WWP1: variants seen among roughly 807,000 people sequenced by gnomAD.
WWP1 encodes the protein NEDD4-like E3 ubiquitin-protein ligase WWP1.
A neutral mutation model predicts 130.6 loss-of-function variants in WWP1; 49 were observed. The observed-to-expected ratio is 0.38, with a 90% CI of 0.30 to 0.48. WWP1 has a LOEUF of 0.48. Among genes scored for constraint, WWP1 ranks in the 20% least tolerant of loss-of-function variants. The pLI is 0.99. For synonymous variants in WWP1, 332 were observed against 367.8 expected, an observed-to-expected ratio of 0.90 and a Z score of 1.11; for missense variants, 809 against 1,100.6, an observed-to-expected ratio of 0.74 and a Z score of 3.75.
chr8:86,412,740 T>C (rs926248337), intron 9 of WWP1, among the ~76,000 whole-genome samples: 36 of 152,086 alleles, frequency 2.4e-4, no homozygotes, highest in African/African-American at 8.2e-4. Flanking sequence ...CAGTGCCCTT[T>C]ACTGGCTCGT....
chr8:86,381,566 G>C lies in WWP1; in HGVS notation c.271G>C (p.Asp91His). The C allele has an allele frequency of 6.2e-7, 1 of 1,610,784 alleles. No homozygotes were observed. The highest frequency in any genetic ancestry group is 1.7e-5 in the Admixed American group (1 of 58,906). Reference protein sequence around the residue: ...QVWSHRTLKADALLGKATIDL... With the variant: ...QVWSHRTLKAHALLGKATIDL... The stretch of plus-strand genomic sequence containing the variant: ...TTGGAGCCATCGCACTTTAAAAGCA[G>C]ATGCTTTATTAGGAAAAGCAACGAT... The change falls in exon 5 of 25, where the codon GAT becomes CAT. Residue 91 changes from aspartate to histidine, a missense_variant. Around this residue, in one of 3 missense-constraint regions of WWP1, gnomAD observed 262 missense variants for 346.0 expected, o/e 0.76. Coordinates refer to ENST00000517970, the MANE Select transcript of WWP1 (RefSeq NM_007013.4).
At chr8:86,462,192 T>C (rs1049906048) in intron 24 of WWP1, among the ~76,000 whole-genome samples, 3 of 152,132 alleles carry the variant, frequency 2.0e-5, no homozygotes, top group Non-Finnish European at 4.4e-5. Context: ...TGGGAAGTCC[T>C]TCGAAGGGAA....
At position 86,466,801 on chromosome 8, in the gene WWP1, C is replaced by T. The variant is rs1812195859; in HGVS notation, c.2677C>T (p.Arg893Cys). The change falls in exon 25 of 25, where the codon CGC (arginine) becomes TGC (cysteine). Residue 893 changes from arginine to cysteine, a missense_variant. By Grantham distance (180) the Arg-to-Cys change is radical. Around this residue, in one of 3 missense-constraint regions of WWP1, gnomAD observed 450 missense variants for 674.2 expected, o/e 0.67. Coordinates refer to ENST00000517970, the MANE Select transcript of WWP1 (RefSeq NM_007013.4). ...WLPRSHTCFNRLDLPPYKSYE... is the reference protein window; with the variant it reads ...WLPRSHTCFNCLDLPPYKSYE... ...GTTTTTGTTTCTGTTCAGTTTTAAT[C>T]GCTTGGATCTACCACCATATAAGAG... 2.5e-6 allele frequency: 4 copies of T among 1,574,430 alleles called. No homozygotes were observed. The highest frequency in any genetic ancestry group is 3.4e-6 in the Non-Finnish European group (4 of 1,166,992).
intron 10 of WWP1, among the ~76,000 whole-genome samples, chr8:86,425,659 A>G (rs112343684): frequency 2.0e-5 from 3 of 152,328 alleles, no homozygotes; most frequent in African/African-American, 7.2e-5. Context: ...TTATTTCATA[A>G]GATTTAATGA....
rs1314173862 is a variant in WWP1 at position 86,342,719 on chromosome 8, G to T, written c.-326G>T. The T allele has an allele frequency of 3.1e-5, 10 of 317,972 alleles. No individual in the cohort carries two copies. Among genetic ancestry groups the T allele is most frequent in the South Asian group, 1.7e-4 (1 of 5,952 alleles). The allele number at this position is 317,972 out of a possible 1,614,324, so 19.7% of individuals were successfully genotyped here. On this transcript the variant is annotated 5_prime_UTR_variant, in exon 1 of 25. Transcript: ENST00000517970. ...GGTGGCGCGTGGACGGGGTGGGGGTGGGGGGAGGGTCGGGTGTCGGCGAGC... is the reference window on the plus strand; with the variant it reads ...GGTGGCGCGTGGACGGGGTGGGGGTTGGGGGAGGGTCGGGTGTCGGCGAGC...
At chr8:86,386,783 C>T (rs1364864946) in intron 5 of WWP1, 2 of 152,146 alleles carry the variant, frequency 1.3e-5, no homozygotes, top group Non-Finnish European at 2.9e-5. Context: ...TCTGCTGTAA[C>T]AAAATACCTG....
intron 8 of WWP1, among the ~76,000 whole-genome samples, chr8:86,410,051 A>G (rs919510247): frequency 6.6e-6 from 1 of 152,122 alleles, no homozygotes; most frequent in African/African-American, 2.4e-5. Context: ...TGCTAACAGT[A>G]GATTTTCTAA....
chr8:86,401,928 CTTAA>C (rs1307443988), intron 7 of WWP1, 87 bp from the exon 8 acceptor site: 24 of 1,242,112 alleles, frequency 1.9e-5, no homozygotes, highest in African/African-American at 3.1e-5. Context: ...AAAAAAGAAA[CTTAA>C]GAGAATTTAG....
At chr8:86,428,033 A>G (rs1371705888) in intron 11 of WWP1, among the ~76,000 whole-genome samples, 1 of 152,124 alleles carries the variant, frequency 6.6e-6, no homozygotes, top group Non-Finnish European at 1.5e-5. Context: ...ATTCTAGTTT[A>G]CTAACATAAC....
intron 8 of WWP1, among the ~76,000 whole-genome samples, 188 bp from the exon 9 acceptor site, chr8:86,411,350 C>G (rs147721113): frequency 3.7e-4 from 56 of 152,120 alleles, no homozygotes; most frequent in African/African-American, 1.1e-3. Flanking sequence ...AAATTTTGAG[C>G]AACAAAAATA....
chr8:86,427,947 T>C, intron 11 of WWP1, 130 bp downstream of exon 11: 1 of 732,382 alleles, frequency 1.4e-6, no homozygotes, highest in South Asian at 4.4e-5. Flanking sequence ...ATAGACTGTG[T>C]TACAAGATAT....
rs568949996 is a variant in WWP1 at position 86,384,397 on chromosome 8, ATAATT to A, written c.334+2772_334+2776del. Among the ~76,000 whole-genome samples, 4 of 152,346 alleles carry A rather than the reference ATAATT, an allele frequency of 2.6e-5. No homozygotes were observed. The South Asian group carries it at 8.3e-4, about 32-fold the overall frequency. ...TTCATTTTATAGACAAATGAGTAAAATAATTTAAAGTAATTAAAATTAGATTTTAA... is the reference window on the plus strand; with the variant it reads ...TTCATTTTATAGACAAATGAGTAAAATAAAGTAATTAAAATTAGATTTTAA... On this transcript the variant is annotated intron_variant, in intron 5 of 24. Coordinates refer to ENST00000517970, the MANE Select transcript of WWP1 (RefSeq NM_007013.4).
intron 2 of WWP1, among the ~76,000 whole-genome samples, chr8:86,369,999 G>A (rs1824195588): frequency 6.6e-6 from 1 of 152,104 alleles, no homozygotes; most frequent in Admixed American, 6.5e-5. Flanking sequence ...CTGCTCAGCT[G>A]AAGAACTAGA....
chr8:86,391,577 T>C (rs1807341364), intron 5 of WWP1, among the ~76,000 whole-genome samples: 1 of 152,116 alleles, frequency 6.6e-6, no homozygotes, highest in African/African-American at 2.4e-5. Context: ...AGTCAGAACA[T>C]ACTTTAATCA....
chr8:86,441,664 A>G (rs944600737), intron 17 of WWP1, among the ~76,000 whole-genome samples: 2 of 152,208 alleles, frequency 1.3e-5, no homozygotes, highest in Non-Finnish European at 2.9e-5. Flanking sequence ...CTGTTTCACT[A>G]TGGTGTCCAC....
At chr8:86,384,927 G>A (rs1208365713) in intron 5 of WWP1, among the ~76,000 whole-genome samples, 1 of 152,088 alleles carries the variant, frequency 6.6e-6, no homozygotes, top group Non-Finnish European at 1.5e-5. Flanking sequence ...GGGAGGCTGA[G>A]GTGGGAGGAT....
intron 1 of WWP1, among the ~76,000 whole-genome samples, chr8:86,366,802 C>T (rs118072963): frequency 1.3e-3 from 203 of 152,208 alleles, no homozygotes; most frequent in African/African-American, 4.6e-3. Flanking sequence ...CAAACTGGGA[C>T]GAGTTGGTCA....
chr8:86,381,358 C>T, intron 4 of WWP1, 147 bp from the exon 5 acceptor site: 1 of 969,510 alleles, frequency 1.0e-6, no homozygotes. Context: ...AAGTAGTTTC[C>T]TGTTTCATAC....
rs556586150 is a variant in WWP1, at chr8:86,441,202, A to G, written c.1839-1417A>G. ...CTGGAGGGTTTATTCCTAGTTTTAT[A>G]TATGTGTCTAAACACACTCTCACAA... On this transcript the variant is annotated intron_variant, in intron 17 of 24. Transcript: ENST00000517970. Among the ~76,000 whole-genome samples, 4 of 152,304 alleles carry G rather than the reference A, an allele frequency of 2.6e-5. No homozygotes were observed. In the South Asian group the frequency reaches 6.2e-4, roughly 24 times the overall value.
Sources: allele counts gnomAD v4.1 joint callset (sites outside exome capture counted in the v4.1 genomes callset), GRCh38; gene constraint gnomAD v4.1.1; regional missense constraint gnomAD v4.1.1; transcripts MANE v1.5; gene names NCBI Gene and HGNC (gene_info 2026-07-23, HGNC 2026-07-21).